The following RGS7 variants were observed in gnomAD, a reference collection of about 807,000 sequenced individuals.
The protein encoded by RGS7 is regulator of G-protein signaling 7.
In RGS7, 27 loss-of-function variants were observed where a neutral mutation model predicts 81.1. The observed-to-expected ratio is 0.33, with a 90% CI of 0.25 to 0.46. RGS7 has a LOEUF of 0.46. Ranked by LOEUF, RGS7 falls within the 20% of genes least tolerant of loss-of-function variation. The pLI, the probability that RGS7 is intolerant of heterozygous loss-of-function variation, is 1.00. For synonymous variants in RGS7, 208 were observed against 207.7 expected (o/e 1.00, Z -0.01); for missense variants, 396 against 607.4 (o/e 0.65, Z 3.66).
chr1:240,983,038 C>G, intron 4 of RGS7, 41 bp downstream of exon 4: 1 of 1,190,160 alleles, frequency 8.4e-7, no homozygotes, highest in Non-Finnish European at 1.2e-6. Context: ...CTTAAAACCA[C>G]TAAGAAAAAA....
chr1:241,150,309 G>A (rs2103126711), intron 2 of RGS7, among the ~76,000 whole-genome samples: 1 of 152,258 alleles, frequency 6.6e-6, no homozygotes, highest in Non-Finnish European at 1.5e-5. Context: ...AATTTGCAGG[G>A]ACATTTGAGA....
At position 241,156,739 on chromosome 1, in the gene RGS7, C is replaced by T. The variant is rs114629942; in HGVS notation, c.79-57977G>A. Among the ~76,000 whole-genome samples the T allele has an allele frequency of 7.6e-3, 1,155 of 152,208 alleles. 12 individuals are homozygous for T. The highest frequency in any genetic ancestry group is 0.026 in the African/African-American group (1,098 of 41,526). On this transcript the variant is annotated intron_variant, in intron 2 of 18. Transcript: ENST00000440928. ...AGAACTGCCTCACACAAGGTCACAC[C>T]CCTTCCTGGGTGACTCACAATCAAC...
intron 3 of RGS7, among the ~76,000 whole-genome samples, chr1:241,058,746 G>T (rs2061600211): frequency 6.6e-6 from 1 of 152,196 alleles, no homozygotes; most frequent in Non-Finnish European, 1.5e-5. Context: ...CATGCAGTAG[G>T]CATTCAATAT....
At chr1:241,099,729 T>A (rs982515688) in intron 2 of RGS7, among the ~76,000 whole-genome samples, 3 of 152,188 alleles carry the variant, frequency 2.0e-5, no homozygotes, top group African/African-American at 7.2e-5. Flanking sequence ...AATCCATTCA[T>A]CCATTTACTC....
chr1:241,207,203 G>A (rs1256770509), intron 2 of RGS7, among the ~76,000 whole-genome samples: 1 of 151,020 alleles, frequency 6.6e-6, no homozygotes, highest in Non-Finnish European at 1.5e-5. Flanking sequence ...TCCCGACCTC[G>A]TGATCTGCCC....
intron 2 of RGS7, among the ~76,000 whole-genome samples, chr1:241,231,005 C>T (rs916646431): frequency 3.3e-5 from 5 of 152,160 alleles, no homozygotes; most frequent in African/African-American, 4.8e-5. Context: ...GGTTGTTGGT[C>T]GTACTCCCTC....
At chr1:241,249,255 T>C (rs1300913517) in intron 2 of RGS7, among the ~76,000 whole-genome samples, 3 of 152,126 alleles carry the variant, frequency 2.0e-5, no homozygotes, top group Non-Finnish European at 2.9e-5. Context: ...ATTTTCACTA[T>C]ATGATTCACT....
chr1:241,228,962 T>C (rs2075485762), intron 2 of RGS7, among the ~76,000 whole-genome samples: 1 of 151,708 alleles, frequency 6.6e-6, no homozygotes, highest in African/African-American at 2.4e-5. Context: ...TTACATAAAA[T>C]GCTAATAGCA....
In RGS7 at chr1:241,013,664, A is replaced by G. The variant is rs183360004; in HGVS notation, c.176-30535T>C. Among the ~76,000 whole-genome samples the G allele has an allele frequency of 3.7e-3, 570 of 152,222 alleles. 5 individuals are homozygous for G. The highest frequency in any genetic ancestry group is 0.013 in the African/African-American group (548 of 41,544). On this transcript the variant is annotated intron_variant, in intron 3 of 18. Coordinates refer to ENST00000440928, the MANE Select transcript of RGS7 (RefSeq NM_001364886.1). The stretch of plus-strand genomic sequence containing the variant: ...CTCAGAAAGCTTGACTGTTGCCTTC[A>G]CTCTGCTGGTGAGAAAATTAGCTCA...
At chr1:241,201,723 A>G (rs1457332804) in intron 2 of RGS7, among the ~76,000 whole-genome samples, 2 of 152,072 alleles carry the variant, frequency 1.3e-5, no homozygotes, top group Non-Finnish European at 2.9e-5. Context: ...TTTAATCCTC[A>G]TTAGTTGAAT....
intron 3 of RGS7, among the ~76,000 whole-genome samples, chr1:241,052,728 C>G (rs556860735): frequency 2.2e-4 from 33 of 151,736 alleles, no homozygotes; most frequent in African/African-American, 8.0e-4. Flanking sequence ...GAACTAATAG[C>G]TATTCCCTGA....
chr1:240,891,940 T>G (rs1046406626), intron 6 of RGS7, among the ~76,000 whole-genome samples: 11 of 152,162 alleles, frequency 7.2e-5, no homozygotes, highest in African/African-American at 2.7e-4. Context: ...GAGCTAGAAG[T>G]GACAGAGCCA....
Position 241,259,628 on chromosome 1 carries a change from C to A in RGS7, c.78+96071G>T, listed in dbSNP as rs568283319. On this transcript the variant is annotated intron_variant, in intron 2 of 18. Coordinates refer to ENST00000440928, the MANE Select transcript of RGS7 (RefSeq NM_001364886.1). ...TTGCGCCATCGCACTCCAGCCTGGACAACAAGAGCGAAACTCCGTCTCAAA... is the reference window on the plus strand; with the variant it reads ...TTGCGCCATCGCACTCCAGCCTGGAAAACAAGAGCGAAACTCCGTCTCAAA... 6.0e-5 allele frequency among the ~76,000 whole-genome samples: 5 copies of A among 83,036 alleles called. No individual in the cohort carries two copies. The East Asian group carries it at 1.5e-3, about 25-fold the overall frequency. 54.5% of individuals were successfully genotyped at this position (83,036 alleles called of 152,430 possible). A position where few individuals can be genotyped will look rare whatever the true frequency, so the allele number is the denominator to read the frequency against.
chr1:241,122,831 C>T (rs2066384134), intron 2 of RGS7, among the ~76,000 whole-genome samples: 1 of 152,154 alleles, frequency 6.6e-6, no homozygotes, highest in African/African-American at 2.4e-5. Context: ...GATTTGTTGA[C>T]TCCTATGCTG....
intron 16 of RGS7, 65 bp from the exon 17 acceptor site, chr1:240,801,573 C>T: frequency 1.8e-6 from 2 of 1,117,544 alleles, no homozygotes; most frequent in Non-Finnish European, 2.7e-6. Context: ...AGAAAGAAAG[C>T]AAGGAAAACA....
intron 2 of RGS7, among the ~76,000 whole-genome samples, chr1:241,111,510 T>C (rs1403845099): frequency 2.6e-5 from 4 of 152,028 alleles, no homozygotes; most frequent in East Asian, 3.9e-4. Context: ...CCAGATACCA[T>C]GGTTCATGTA....
chr1:241,108,030 C>G (rs536997908), intron 2 of RGS7, among the ~76,000 whole-genome samples: 4 of 152,222 alleles, frequency 2.6e-5, no homozygotes, highest in African/African-American at 4.8e-5. Flanking sequence ...TGCGGTGGCT[C>G]ACACCTGTAA....
Position 240,930,222 on chromosome 1 carries a change from C to CTTTTT in RGS7, c.385+490_385+494dup, listed in dbSNP as rs10676730. On this transcript the variant is annotated intron_variant, in intron 6 of 18. Coordinates refer to ENST00000440928, the MANE Select transcript of RGS7 (RefSeq NM_001364886.1). ...ATTAGCATTGAATTTTCTTTTTTAG[C>CTTTTT]TTTTTTTTTTTTTTTTTTGCTTGTA... Among the ~76,000 whole-genome samples, 633 of 113,812 alleles carry CTTTTT rather than the reference C, an allele frequency of 5.6e-3. 13 individuals carry two copies. The highest frequency in any genetic ancestry group is 0.021 in the African/African-American group (600 of 29,020). 74.7% of individuals were successfully genotyped at this position (113,812 alleles called of 152,430 possible). A position where few individuals can be genotyped will look rare whatever the true frequency, so the allele number is the denominator to read the frequency against.
chr1:240,809,868 A>G (rs1463226881), intron 14 of RGS7, among the ~76,000 whole-genome samples: 1 of 152,170 alleles, frequency 6.6e-6, no homozygotes, highest in African/African-American at 2.4e-5. Context: ...ATATGTGTGT[A>G]TGTATATAAT....
Sources: allele counts gnomAD v4.1 joint callset (sites outside exome capture counted in the v4.1 genomes callset), GRCh38; gene constraint gnomAD v4.1.1; transcripts MANE v1.5; gene names NCBI Gene and HGNC (gene_info 2026-07-23, HGNC 2026-07-21).